IL1RAPL2: variants seen among roughly 807,000 people sequenced by gnomAD.
The protein encoded by IL1RAPL2 is X-linked interleukin-1 receptor accessory protein-like 2.
Under a neutral mutation model 44.1 loss-of-function variants are expected in IL1RAPL2, and 3 were observed. That is an observed-to-expected ratio of 0.07 (90% CI 0.03 to 0.18). The LOEUF (loss-of-function observed/expected upper bound fraction) is 0.18. Ranked by LOEUF, IL1RAPL2 falls within the 10% of genes least tolerant of loss-of-function variation. The probability of loss-of-function intolerance (pLI) is 1.00; values close to 1 mark genes in which losing one functional copy is unlikely to be tolerated. For missense variants in IL1RAPL2, 391 were observed against 496.4 expected (o/e 0.79, Z 2.02); for synonymous variants, 181 against 178.8 (o/e 1.01, Z -0.10).
At chrX:104,615,105 T>C (rs760805404) in intron 1 of IL1RAPL2, among the ~76,000 whole-genome samples, 1 of 112,041 alleles carries the variant, frequency 8.9e-6, no homozygotes, top group Non-Finnish European at 1.9e-5. Flanking sequence ...AGTGTGTCTT[T>C]GTCGTAGTAG....
At chrX:105,436,690 G>A (rs894709376) in intron 5 of IL1RAPL2, among the ~76,000 whole-genome samples, 22 of 110,807 alleles carry the variant, frequency 2.0e-4, no homozygotes, top group African/African-American at 6.6e-4. Flanking sequence ...CAGTAGGTGG[G>A]ATGCCAAGCA....
chrX:105,183,931 TG>T lies in IL1RAPL2; in HGVS notation c.83-11541del, dbSNP rs782322245. On this transcript the variant is annotated intron_variant, in intron 2 of 10. Coordinates refer to ENST00000372582, the MANE Select transcript of IL1RAPL2 (RefSeq NM_017416.2). ...AGTTTCTTAGGTCTCAGGGGATGTC[TG>T]GGATCCAGGATTAGCTAGCACCCTC... Among the ~76,000 whole-genome samples, 5 of 111,542 alleles carry T rather than the reference TG, an allele frequency of 4.5e-5. 1 individual carries two copies. In the South Asian group the frequency reaches 1.2e-3, roughly 26 times the overall value.
chrX:105,602,046 G>A (rs866667045), intron 6 of IL1RAPL2, among the ~76,000 whole-genome samples: 4 of 111,779 alleles, frequency 3.6e-5, no homozygotes, highest in South Asian at 3.8e-4. Flanking sequence ...TCCTCCAGCC[G>A]CAGAGCTGCT....
intron 2 of IL1RAPL2, among the ~76,000 whole-genome samples, chrX:105,116,803 C>CT (rs1465083635): frequency 1.8e-5 from 2 of 112,341 alleles, no homozygotes; most frequent in Admixed American, 1.9e-4. Context: ...GTTTTCATGC[C>CT]TTTCATTCTT....
chrX:105,334,645 T>C (rs1347556235), intron 5 of IL1RAPL2, among the ~76,000 whole-genome samples: 1 of 111,828 alleles, frequency 8.9e-6, no homozygotes, highest in Non-Finnish European at 1.9e-5. Flanking sequence ...ACCTACTATG[T>C]ACCCACAAAC....
chrX:105,398,824 A>G (rs990866898), intron 5 of IL1RAPL2, among the ~76,000 whole-genome samples: 4 of 111,909 alleles, frequency 3.6e-5, no homozygotes, highest in South Asian at 3.7e-4. Flanking sequence ...GAGCATGTTA[A>G]TCTTCCTCTA....
chrX:104,994,884 T>C (rs2030721700), intron 2 of IL1RAPL2, among the ~76,000 whole-genome samples: 1 of 110,683 alleles, frequency 9.0e-6, no homozygotes, highest in Non-Finnish European at 1.9e-5. Context: ...AAGAGTAAAG[T>C]GAGCAGCAGG....
intron 5 of IL1RAPL2, among the ~76,000 whole-genome samples, chrX:105,374,009 C>T (rs1243393576): frequency 9.3e-6 from 1 of 107,195 alleles, no homozygotes; most frequent in African/African-American, 3.4e-5. Context: ...ATCCCAGCTA[C>T]TTGGGAGGCT....
chrX:105,412,596 A>G (rs928054996), intron 5 of IL1RAPL2, among the ~76,000 whole-genome samples: 8 of 111,026 alleles, frequency 7.2e-5, no homozygotes, highest in Non-Finnish European at 1.3e-4. Flanking sequence ...AAGTTGGTCA[A>G]TGCATGCTAA....
intron 2 of IL1RAPL2, among the ~76,000 whole-genome samples, chrX:105,031,802 T>C (rs931500844): frequency 7.2e-5 from 8 of 111,420 alleles, no homozygotes; most frequent in African/African-American, 2.3e-4. Context: ...TTGATTGGAA[T>C]AGTTTCAGAA....
intron 2 of IL1RAPL2, among the ~76,000 whole-genome samples, chrX:104,739,184 G>A (rs931760860): frequency 8.9e-6 from 1 of 112,147 alleles, no homozygotes; most frequent in Non-Finnish European, 1.9e-5. Flanking sequence ...GTTGATTTCA[G>A]TAGCAGTAGT....
At chrX:105,443,020 G>C (rs1445046277) in intron 5 of IL1RAPL2, among the ~76,000 whole-genome samples, 1 of 111,732 alleles carries the variant, frequency 8.9e-6, no homozygotes, top group Admixed American at 9.5e-5. Context: ...AGGTTGCAGT[G>C]AGGTGAAATT....
intron 1 of IL1RAPL2, among the ~76,000 whole-genome samples, chrX:104,569,758 T>C (rs867451156): frequency 1.8e-5 from 2 of 112,182 alleles, no homozygotes; most frequent in South Asian, 3.7e-4. Flanking sequence ...AGGGGAAAGA[T>C]TGGGAAGGTG....
At chrX:104,912,506 G>A (rs1009363864) in intron 2 of IL1RAPL2, among the ~76,000 whole-genome samples, 1 of 111,404 alleles carries the variant, frequency 9.0e-6, no homozygotes, top group Non-Finnish European at 1.9e-5. Flanking sequence ...CATACTGCAG[G>A]CAAATCAATA....
intron 2 of IL1RAPL2, among the ~76,000 whole-genome samples, chrX:105,034,141 G>A (rs914655582): frequency 4.5e-5 from 5 of 111,133 alleles, no homozygotes; most frequent in African/African-American, 1.3e-4. Context: ...TTTTTTCAAA[G>A]TTTTTAACTT....
rs962272038 is a variant in IL1RAPL2, at chrX:104,729,530, A to T, written c.82+70535A>T. Among the ~76,000 whole-genome samples the T allele has an allele frequency of 7.6e-5, 7 of 91,657 alleles. No individual in the cohort carries two copies. In the South Asian group the frequency reaches 1.6e-3, roughly 20 times the overall value. The allele number at this position is 91,657 out of a possible 115,157, so 79.6% of individuals were successfully genotyped here. On this transcript the variant is annotated intron_variant, in intron 2 of 10. Coordinates refer to ENST00000372582, the MANE Select transcript of IL1RAPL2 (RefSeq NM_017416.2). ...ATTTTTAACTTTGTATTTTAGTTTCATGGGTACATATACAGGTTTGTTATA... is the reference window on the plus strand; with the variant it reads ...ATTTTTAACTTTGTATTTTAGTTTCTTGGGTACATATACAGGTTTGTTATA...
At chrX:105,414,223 A>T (rs370659961) in intron 5 of IL1RAPL2, among the ~76,000 whole-genome samples, 1 of 110,237 alleles carries the variant, frequency 9.1e-6, no homozygotes, top group Non-Finnish European at 1.9e-5. Flanking sequence ...CACCTCCCGG[A>T]TTGAAGCGAT....
chrX:105,732,124 TCTA>T (rs966113947), intron 7 of IL1RAPL2, among the ~76,000 whole-genome samples: 1 of 111,956 alleles, frequency 8.9e-6, no homozygotes, highest in Non-Finnish European at 1.9e-5. Context: ...TGGTTAAACA[TCTA>T]CTATATTTAT....
At chrX:104,818,322 C>T (rs759966402) in intron 2 of IL1RAPL2, among the ~76,000 whole-genome samples, 14 of 81,636 alleles carry the variant, frequency 1.7e-4, no homozygotes, top group African/African-American at 7.0e-4. Context: ...CCAGCCTGGG[C>T]GACAGAGAGA....
Sources: allele counts gnomAD v4.1 joint callset (sites outside exome capture counted in the v4.1 genomes callset), GRCh38; gene constraint gnomAD v4.1.1; transcripts MANE v1.5; gene names NCBI Gene and HGNC (gene_info 2026-07-23, HGNC 2026-07-21).